The following MBNL3 variants were observed in gnomAD, a reference collection of about 807,000 sequenced individuals.
MBNL3 encodes the protein muscleblind like splicing regulator 3, also known as muscleblind-like protein 3.
Under a neutral mutation model 24.5 loss-of-function variants are expected in MBNL3, and 6 were observed. The ratio of observed to expected loss-of-function variants is 0.25; its 90% CI spans 0.13 to 0.48. The LOEUF is 0.48. Ranked by LOEUF, MBNL3 falls within the 20% of genes least tolerant of loss-of-function variation. The pLI is 0.99. For synonymous variants in MBNL3, 100 were observed against 101.7 expected (o/e 0.98, Z 0.10); for missense variants, 230 against 293.5 (o/e 0.78, Z 1.58).
At chrX:132,489,772 G>A (rs1948200539), upstream of MBNL3, 1 of 108,444 alleles carries the variant, frequency 9.2e-6, no homozygotes, top group African/African-American at 3.3e-5. Context: ...GCCCGGCCCC[G>A]CCCCGCCCGG....
intron 3 of MBNL3, among the ~76,000 whole-genome samples, chrX:132,405,917 C>T (rs1941747040): frequency 1.9e-5 from 2 of 107,849 alleles, no homozygotes; most frequent in African/African-American, 6.7e-5. Context: ...ACAAAACCCC[C>T]ATCAAAGAAC....
chrX:132,421,013 T>A (rs895136829), intron 2 of MBNL3, among the ~76,000 whole-genome samples: 3 of 111,887 alleles, frequency 2.7e-5, no homozygotes. Context: ...AACACAGTAT[T>A]TTATTAGAAA....
chrX:132,436,488 C>T (rs1438007605), intron 2 of MBNL3, among the ~76,000 whole-genome samples: 1 of 111,864 alleles, frequency 8.9e-6, no homozygotes, highest in Non-Finnish European at 1.9e-5. Flanking sequence ...TCTTACACAA[C>T]AACAACAAAA....
Position 132,394,327 on chromosome X carries a change from T to C in MBNL3, c.343-1993A>G, listed in dbSNP as rs1488984601. Among the ~76,000 whole-genome samples the C allele has an allele frequency of 2.7e-5, 3 of 112,179 alleles. No individual in the cohort carries two copies. In the East Asian group the frequency reaches 8.4e-4, roughly 31 times the overall value. On this transcript the variant is annotated intron_variant, in intron 3 of 8. Transcript: ENST00000370853. ...TCAGGAACTAGCTGATGTGACATGA[T>C]TTTATATAATGAGAAGGAAATCTTC...
chrX:132,474,852 C>A (rs1169885594), intron 1 of MBNL3, among the ~76,000 whole-genome samples: 1 of 111,386 alleles, frequency 9.0e-6, no homozygotes, highest in East Asian at 2.8e-4. Context: ...CACTTTCCAA[C>A]TTTTCACTTA....
In MBNL3 at chrX:132,444,003, C is replaced by A. The variant is rs1320652184; in HGVS notation, c.-703-3689G>T. On this transcript the variant is annotated intron_variant, in intron 1 of 8. Transcript: ENST00000370853. ...CCAGAGTCCGCCCCCCCCCCCCCCCCCCACCTACTTAACCATACCACAATA... is the reference window on the plus strand; with the variant it reads ...CCAGAGTCCGCCCCCCCCCCCCCCCACCACCTACTTAACCATACCACAATA... Among the ~76,000 whole-genome samples, 23 of 36,519 alleles carry A rather than the reference C, an allele frequency of 6.3e-4. 4 individuals are homozygous for A. Among genetic ancestry groups the A allele is most frequent in the African/African-American group, 1.9e-3 (22 of 11,559 alleles). The allele number at this position is 36,519 out of a possible 115,157, so 31.7% of individuals were successfully genotyped here. A position where few individuals can be genotyped will look rare whatever the true frequency, so the allele number is the denominator to read the frequency against.
Position 132,440,327 on chromosome X carries a change from A to T in MBNL3, c.-703-13T>A, listed in dbSNP as rs1274427513. On this transcript the variant is annotated splice_polypyrimidine_tract_variant and intron_variant, in intron 1 of 8. Coordinates refer to ENST00000370853, the MANE Select transcript of MBNL3 (RefSeq NM_001386889.1). Reference sequence around the variant, plus strand: ...CACTTTTCAGAACCTGCAAGAAAAAAATAAATAAAATTAGCTAAAATAATA... The same window carrying T: ...CACTTTTCAGAACCTGCAAGAAAAATATAAATAAAATTAGCTAAAATAATA... Among the ~76,000 whole-genome samples the T allele has an allele frequency of 9.0e-6, 1 of 111,501 alleles. No individual in the cohort carries two copies. The highest frequency in any genetic ancestry group is 3.3e-5 in the African/African-American group (1 of 30,660).
At position 132,369,651 on chromosome X, in the gene MBNL3, T is replaced by C. The variant is rs1933442609; in HGVS notation, c.*10015A>G. On this transcript the variant is annotated 3_prime_UTR_variant, in exon 9 of 9. Coordinates refer to ENST00000370853, the MANE Select transcript of MBNL3 (RefSeq NM_001386889.1). ...CCATTCCCTCAAGTCCAGTTTTTAA[T>C]GAACAGGCTGTTTGCTTTAGCAGGT... The C allele has an allele frequency of 8.9e-6, 1 of 112,206 alleles. No homozygotes were observed. The highest frequency in any genetic ancestry group is 3.2e-5 in the African/African-American group (1 of 30,856). The allele number at this position is 112,206 out of a possible 1,213,427, so 9.2% of individuals were successfully genotyped here. A position where few individuals can be genotyped will look rare whatever the true frequency, so the allele number is the denominator to read the frequency against.
intron 1 of MBNL3, among the ~76,000 whole-genome samples, chrX:132,486,446 G>A (rs1948013761): frequency 8.9e-6 from 1 of 111,881 alleles, no homozygotes; most frequent in African/African-American, 3.3e-5. Flanking sequence ...AAGTATCACA[G>A]TGAAGCTGGA....
chrX:132,454,226 AACAC>A (rs762548671), intron 1 of MBNL3, among the ~76,000 whole-genome samples: 1 of 106,478 alleles, frequency 9.4e-6, no homozygotes, highest in Non-Finnish European at 2.0e-5. Flanking sequence ...TCCCCATACC[AACAC>A]ACACACACAC....
intron 2 of MBNL3, among the ~76,000 whole-genome samples, chrX:132,409,441 C>T (rs1034187769): frequency 3.6e-5 from 4 of 111,359 alleles, no homozygotes; most frequent in African/African-American, 1.3e-4. Context: ...TTCTGTAGGC[C>T]ACCTAAGCAC....
intron 1 of MBNL3, among the ~76,000 whole-genome samples, chrX:132,485,784 C>T (rs191632547): frequency 1.8e-5 from 2 of 112,448 alleles, no homozygotes; most frequent in South Asian, 3.7e-4. Context: ...AGCTGAGGCT[C>T]GGGTTTCTTT....
At chrX:132,442,833 CAT>C (rs749505934) in intron 1 of MBNL3, among the ~76,000 whole-genome samples, 209 of 112,423 alleles carry the variant, frequency 1.9e-3, no homozygotes, top group Non-Finnish European at 2.9e-3. Context: ...CTAGCCACCA[CAT>C]GTCTTCCTTC....
chrX:132,441,258 T>C (rs988474651), intron 1 of MBNL3, among the ~76,000 whole-genome samples: 1 of 112,396 alleles, frequency 8.9e-6, no homozygotes, highest in Admixed American at 9.5e-5. Context: ...TTAGGAAGTA[T>C]AATAGTTCTC....
At chrX:132,431,136 G>A (rs1167790580) in intron 2 of MBNL3, 1 of 111,346 alleles carries the variant, frequency 9.0e-6, no homozygotes, top group Non-Finnish European at 1.9e-5. Flanking sequence ...AATATCCTGG[G>A]AGAAATACTT....
intron 3 of MBNL3, among the ~76,000 whole-genome samples, chrX:132,402,244 T>G (rs1461476846): frequency 8.9e-6 from 1 of 112,366 alleles, no homozygotes; most frequent in African/African-American, 3.2e-5. Context: ...AATCACCACA[T>G]TCAAAGAGAG....
At chrX:132,380,904 C>A (rs1365859999) in intron 8 of MBNL3, among the ~76,000 whole-genome samples, 1 of 110,683 alleles carries the variant, frequency 9.0e-6, no homozygotes, top group Non-Finnish European at 1.9e-5. Flanking sequence ...AATAATGACT[C>A]AGTTACTAAA....
intron 1 of MBNL3, among the ~76,000 whole-genome samples, chrX:132,481,028 A>C (rs1049726694): frequency 9.0e-6 from 1 of 111,524 alleles, no homozygotes; most frequent in Admixed American, 9.5e-5. Context: ...GAAAAAAAAA[A>C]CTCTATATGG....
In MBNL3 at chrX:132,386,741, G is replaced by A. The variant is rs752090131; in HGVS notation, c.842C>T (p.Pro281Leu). 1.7e-5 allele frequency: 20 copies of A among 1,209,036 alleles called. No homozygotes were observed. In the Admixed American group the frequency reaches 1.8e-4, roughly 11 times the overall value. Reference protein sequence around the residue: ...SALEKPNGATPVFNPTVFHCQ... With the variant: ...SALEKPNGATLVFNPTVFHCQ... ...GTGGAAAACAGTGGGATTAAAGACC[G>A]GGGTGGCACCATTGGGCTTTTCCAG... is the stretch of plus-strand genomic sequence containing the variant. The change falls in exon 6 of 9, where the codon CCG becomes CTG. Residue 281 changes from proline to leucine, a missense_variant. By Grantham distance (98) the Pro-to-Leu change is moderately conservative. Coordinates refer to ENST00000370853, the MANE Select transcript of MBNL3 (RefSeq NM_001386889.1).
Sources: gnomAD v4.1 joint callset for allele counts (sites outside exome capture counted in the v4.1 genomes callset) on GRCh38, gnomAD v4.1.1 for gene constraint, MANE v1.5 for transcripts, NCBI Gene and HGNC (gene_info 2026-07-23, HGNC 2026-07-21) for gene names.